NBEA: variants seen among roughly 807,000 people sequenced by gnomAD.
NBEA encodes neurobeachin, also known as lysosomal-trafficking regulator 2.
Under a neutral mutation model 343.4 loss-of-function variants are expected in NBEA, and 44 were observed. The observed-to-expected ratio is 0.13, with a 90% CI of 0.10 to 0.16. The LOEUF (loss-of-function observed/expected upper bound fraction) is 0.16, where lower values mean the gene tolerates loss of function less well. NBEA is among the 10% of genes least tolerant of loss of function. The probability of loss-of-function intolerance (pLI) is 1.00; values close to 1 mark genes in which losing one functional copy is unlikely to be tolerated. For synonymous variants in NBEA, 1,175 were observed against 1,238.7 expected (o/e 0.95, Z 1.08); for missense variants, 2,555 against 3,631.3 (o/e 0.70, Z 7.62).
At chr13:35,033,673 A>C (rs960140109) in intron 1 of NBEA, among the ~76,000 whole-genome samples, 1 of 151,884 alleles carries the variant, frequency 6.6e-6, no homozygotes, top group African/African-American at 2.4e-5. Context: ...GTCCTCTTCA[A>C]TTTATTTCAT....
At chr13:35,098,519 A>G (rs2065451549) in intron 11 of NBEA, 114 bp downstream of exon 11, 2 of 627,864 alleles carry the variant, frequency 3.2e-6, no homozygotes, top group East Asian at 6.0e-5. Flanking sequence ...AGATTATACT[A>G]TTTGCTAATT....
At chr13:34,957,402 T>C (rs2059532635) in intron 1 of NBEA, among the ~76,000 whole-genome samples, 1 of 152,218 alleles carries the variant, frequency 6.6e-6, no homozygotes, top group South Asian at 2.1e-4. Context: ...TGTATAATTT[T>C]TGTTTTGTCA....
chr13:35,155,915 A>T, intron 19 of NBEA, 60 bp downstream of exon 19: 1 of 1,537,234 alleles, frequency 6.5e-7, no homozygotes. Flanking sequence ...TATGAGACTA[A>T]ATCAAAACTT....
intron 38 of NBEA, among the ~76,000 whole-genome samples, chr13:35,403,696 C>G (rs919592116): frequency 9.2e-5 from 14 of 151,842 alleles, no homozygotes; most frequent in African/African-American, 3.1e-4. Context: ...TAGGCATGGG[C>G]AAGGACTTCA....
At chr13:35,382,112 G>C (rs781267396) in intron 38 of NBEA, among the ~76,000 whole-genome samples, 2 of 152,088 alleles carry the variant, frequency 1.3e-5, no homozygotes, top group African/African-American at 2.4e-5. Context: ...TGATGAATGT[G>C]AGGGGAAACA....
At chr13:35,552,265 C>T (rs1469682557) in intron 43 of NBEA, among the ~76,000 whole-genome samples, 3 of 152,180 alleles carry the variant, frequency 2.0e-5, no homozygotes, top group African/African-American at 7.2e-5. Flanking sequence ...GGACCTAACA[C>T]AGTGCCTAAT....
At chr13:35,412,780 G>A (rs2043669410) in intron 38 of NBEA, among the ~76,000 whole-genome samples, 5 of 152,122 alleles carry the variant, frequency 3.3e-5, no homozygotes, top group Admixed American at 3.3e-4. Flanking sequence ...TTTCTTGGTT[G>A]CTTTTCTTGC....
intron 33 of NBEA, among the ~76,000 whole-genome samples, chr13:35,222,567 T>A (rs563467063): frequency 2.0e-5 from 3 of 152,246 alleles, no homozygotes; most frequent in Non-Finnish European, 4.4e-5. Context: ...GTATTTTTTT[T>A]ATTATTTCAT....
intron 34 of NBEA, chr13:35,251,233 C>A: frequency 3.6e-6 from 1 of 280,956 alleles, no homozygotes; most frequent in Non-Finnish European, 6.3e-6. Context: ...CAATGGCATT[C>A]CACTGCTGCT....
chr13:35,497,006 A>ATGCTTC (rs1468510942), intron 41 of NBEA, among the ~76,000 whole-genome samples: 1 of 152,094 alleles, frequency 6.6e-6, no homozygotes, highest in Non-Finnish European at 1.5e-5. Flanking sequence ...TCCTAAGTCT[A>ATGCTTC]TGCTTCAGTC....
At chr13:35,386,055 A>T (rs2152895762) in intron 38 of NBEA, among the ~76,000 whole-genome samples, 1 of 152,184 alleles carries the variant, frequency 6.6e-6, no homozygotes, top group South Asian at 2.1e-4. Flanking sequence ...ATAATAGAAA[A>T]CCTACAATGT....
intron 34 of NBEA, among the ~76,000 whole-genome samples, chr13:35,234,001 G>C (rs2075103579): frequency 6.6e-6 from 1 of 152,134 alleles, no homozygotes; most frequent in African/African-American, 2.4e-5. Flanking sequence ...ATTAGATGAG[G>C]AGTGTTCTAT....
At position 35,651,282 on chromosome 13, in the gene NBEA, A is replaced by G. The variant is rs1410433436; in HGVS notation, c.7964-523A>G. Reference sequence around the variant, plus strand: ...GTGTGGCCCAATTTTTATACCTTCCATTTACTTGTCACATGTTGAAAAAAA... The same window carrying G: ...GTGTGGCCCAATTTTTATACCTTCCGTTTACTTGTCACATGTTGAAAAAAA... On this transcript the variant is annotated intron_variant, in intron 52 of 58. Transcript: ENST00000379939. Among the ~76,000 whole-genome samples the G allele has an allele frequency of 2.0e-5, 3 of 151,986 alleles. No individual in the cohort carries two copies. In the East Asian group the frequency reaches 5.8e-4, roughly 29 times the overall value.
chr13:35,562,015 T>A (rs1038388429), intron 44 of NBEA, among the ~76,000 whole-genome samples: 1 of 152,070 alleles, frequency 6.6e-6, no homozygotes, highest in Non-Finnish European at 1.5e-5. Context: ...ATATCACAGT[T>A]GACATTTGGG....
At chr13:35,157,600 A>C (rs1593544951) in intron 21 of NBEA, among the ~76,000 whole-genome samples, 1 of 152,108 alleles carries the variant, frequency 6.6e-6, no homozygotes, top group African/African-American at 2.4e-5. Context: ...AGTCTCTGAA[A>C]TATACTTTTT....
chr13:35,355,841 C>G (rs1465359947), intron 38 of NBEA, among the ~76,000 whole-genome samples: 3 of 151,936 alleles, frequency 2.0e-5, no homozygotes, highest in Non-Finnish European at 2.9e-5. Context: ...AAATCATTCT[C>G]TAGCCACTCT....
intron 10 of NBEA, among the ~76,000 whole-genome samples, chr13:35,091,818 C>G (rs1274510772): frequency 6.6e-6 from 1 of 151,920 alleles, no homozygotes; most frequent in Non-Finnish European, 1.5e-5. Flanking sequence ...AGGGCTATAT[C>G]ATATTCATGG....
chr13:35,442,002 G>A (rs2045765385), intron 39 of NBEA, among the ~76,000 whole-genome samples: 1 of 151,900 alleles, frequency 6.6e-6, no homozygotes, highest in African/African-American at 2.4e-5. Flanking sequence ...ACCCGTATTG[G>A]TACATGATGC....
At chr13:35,565,935 C>T (rs574647479) in intron 44 of NBEA, among the ~76,000 whole-genome samples, 33 of 152,298 alleles carry the variant, frequency 2.2e-4, no homozygotes, top group Non-Finnish European at 3.7e-4. Context: ...TGACATCTGC[C>T]TCTGTAGTTT....
Sources: allele counts gnomAD v4.1 joint callset (sites outside exome capture counted in the v4.1 genomes callset), GRCh38; gene constraint gnomAD v4.1.1; transcripts MANE v1.5; gene names NCBI Gene and HGNC (gene_info 2026-07-23, HGNC 2026-07-21).